CDCP1: variants seen among roughly 807,000 people sequenced by gnomAD.
CDCP1 encodes the protein CUB domain containing protein 1, also known as CUB domain-containing protein 1.
In CDCP1, 29 loss-of-function variants were observed where a neutral mutation model predicts 60.2. That is an observed-to-expected ratio of 0.48 (90% CI 0.36 to 0.66). The LOEUF (loss-of-function observed/expected upper bound fraction) is 0.66. Among genes scored for constraint, CDCP1 ranks in the 30% least tolerant of loss-of-function variants. The probability of loss-of-function intolerance (pLI) is 0.00; values close to 1 mark genes in which losing one functional copy is unlikely to be tolerated. For missense variants in CDCP1, 876 were observed against 1,074.3 expected, an observed-to-expected ratio of 0.82 and a Z score of 2.58; for synonymous variants, 387 against 431.1, an observed-to-expected ratio of 0.90 and a Z score of 1.27.
intron 4 of CDCP1, among the ~76,000 whole-genome samples, chr3:45,109,485 C>T (rs889607893): frequency 1.3e-5 from 2 of 152,160 alleles, no homozygotes; most frequent in African/African-American, 4.8e-5. Context: ...GCCCTCTGAA[C>T]AGCGTCCATC....
In CDCP1 at chr3:45,091,571, T is replaced by C; in HGVS notation, c.1628-33A>G. The C allele has an allele frequency of 6.4e-7, 1 of 1,557,484 alleles. No individual in the cohort carries two copies. The highest frequency in any genetic ancestry group is 8.7e-7 in the Non-Finnish European group (1 of 1,154,788). ...AAAGGGAGGGAGATCCAGACAGATGTTTCATTCAGTCAACATGGAGAGGAA... is the reference window on the plus strand; with the variant it reads ...AAAGGGAGGGAGATCCAGACAGATGCTTCATTCAGTCAACATGGAGAGGAA... On this transcript the variant is annotated intron_variant, in intron 6 of 8. Coordinates refer to ENST00000296129, the MANE Select transcript of CDCP1 (RefSeq NM_022842.5). This position sits in a 1 kb window ranked among gnomAD's most constrained non-coding sequence, Gnocchi z 4.8.
At chr3:45,138,873 AAAAG>A (rs1699236478) in intron 1 of CDCP1, among the ~76,000 whole-genome samples, 1 of 152,144 alleles carries the variant, frequency 6.6e-6, no homozygotes, top group African/African-American at 2.4e-5. Context: ...AAAGAAAAGA[AAAAG>A]AAAGACCGAA....
chr3:45,142,790 T>A (rs4683061), intron 1 of CDCP1, among the ~76,000 whole-genome samples: 30,676 of 151,610 alleles, frequency 0.2, 3,228 homozygotes, highest in Admixed American at 0.24. Flanking sequence ...ACCTCTCTAC[T>A]CTTCATCCCA....
chr3:45,143,514 AT>A (rs973312195), intron 1 of CDCP1, among the ~76,000 whole-genome samples: 5 of 152,246 alleles, frequency 3.3e-5, no homozygotes, highest in Admixed American at 2.0e-4. Context: ...GGATGATCCC[AT>A]TTTTGGTTTG....
chr3:45,142,200 TATC>T (rs1487358415), intron 1 of CDCP1, among the ~76,000 whole-genome samples: 2 of 152,210 alleles, frequency 1.3e-5, no homozygotes, highest in Admixed American at 1.3e-4. Context: ...TCAGTGGTCT[TATC>T]ATCTCCCACT....
intron 2 of CDCP1, among the ~76,000 whole-genome samples, chr3:45,115,753 G>C (rs949815827): frequency 2.0e-5 from 3 of 151,418 alleles, no homozygotes; most frequent in Non-Finnish European, 2.9e-5. Context: ...ATCCAGGCTA[G>C]AGTGCAATGG....
intron 1 of CDCP1, among the ~76,000 whole-genome samples, chr3:45,137,244 G>A (rs1699204481): frequency 6.6e-6 from 1 of 152,130 alleles, no homozygotes; most frequent in Non-Finnish European, 1.5e-5. Context: ...CATGCCATAT[G>A]TACTGTTCTG....
intron 1 of CDCP1, among the ~76,000 whole-genome samples, chr3:45,129,982 AAG>A (rs1307872720): frequency 1.3e-5 from 2 of 152,106 alleles, no homozygotes; most frequent in Admixed American, 6.5e-5. Context: ...AGAAAGGGGT[AAG>A]AGAGAAAATT....
rs566058429 is a variant in CDCP1 at position 45,110,410 on chromosome 3, G to A, written c.1024+63C>T. The A allele has an allele frequency of 7.0e-6, 11 of 1,576,044 alleles. No individual in the cohort carries two copies. In the Admixed American group the frequency reaches 1.9e-4, roughly 28 times the overall value. ...ACAGGAAGGGAGCCTCACCCAGGCAGACTACCCAGGAAACAACGAAGGTGC... is the reference window on the plus strand; with the variant it reads ...ACAGGAAGGGAGCCTCACCCAGGCAAACTACCCAGGAAACAACGAAGGTGC... On this transcript the variant is annotated intron_variant, in intron 4 of 8. Transcript: ENST00000296129.
At chr3:45,086,737 T>C (rs949402875) in intron 8 of CDCP1, among the ~76,000 whole-genome samples, 1 of 152,224 alleles carries the variant, frequency 6.6e-6, no homozygotes, top group Non-Finnish European at 1.5e-5. Context: ...ATAACACCAT[T>C]AGCATTTGGT....
chr3:45,142,763 C>T (rs914373314), intron 1 of CDCP1, among the ~76,000 whole-genome samples: 1 of 151,932 alleles, frequency 6.6e-6, no homozygotes, highest in Non-Finnish European at 1.5e-5. Context: ...CGGAAATACG[C>T]GTGCAAAGAC....
At chr3:45,103,382 C>T (rs1698514645) in intron 4 of CDCP1, among the ~76,000 whole-genome samples, 1 of 152,116 alleles carries the variant, frequency 6.6e-6, no homozygotes, top group Non-Finnish European at 1.5e-5. Flanking sequence ...TTATCCATTC[C>T]TCTGTTGGTG....
chr3:45,099,270 CT>C lies in CDCP1; in HGVS notation c.1025-3703del, dbSNP rs1698452230. ...TCCACCTTCACACTTAATTGTTTGGCTTGGTATAAAATTCTAGGTTGGAAAT... is the reference window on the plus strand; with the variant it reads ...TCCACCTTCACACTTAATTGTTTGGCTGGTATAAAATTCTAGGTTGGAAAT... On this transcript the variant is annotated intron_variant, in intron 4 of 8. Coordinates refer to ENST00000296129, the MANE Select transcript of CDCP1 (RefSeq NM_022842.5). Among the ~76,000 whole-genome samples the C allele has an allele frequency of 2.0e-5, 3 of 151,840 alleles. No homozygotes were observed. In the South Asian group the frequency reaches 6.2e-4, roughly 31 times the overall value.
chr3:45,108,950 TATA>T lies in CDCP1; in HGVS notation c.1024+1520_1024+1522del, dbSNP rs1279711789. On this transcript the variant is annotated intron_variant, in intron 4 of 8. Transcript: ENST00000296129. ...ATGCATGTATACATATATATATATATATATTTTTTTTTTTTTTGAGATGGAGTC... is the reference window on the plus strand; with the variant it reads ...ATGCATGTATACATATATATATATATTTTTTTTTTTTTTTGAGATGGAGTC... 9.3e-5 allele frequency among the ~76,000 whole-genome samples: 6 copies of T among 64,254 alleles called. 2 individuals carry two copies. The highest frequency in any genetic ancestry group is 2.7e-4 in the African/African-American group (5 of 18,510). The allele number at this position is 64,254 out of a possible 152,430, so 42.2% of individuals were successfully genotyped here.
intron 1 of CDCP1, among the ~76,000 whole-genome samples, chr3:45,132,273 A>T (rs1395393333): frequency 6.6e-6 from 1 of 152,012 alleles, no homozygotes; most frequent in African/African-American, 2.4e-5. Flanking sequence ...AAACGTTCTT[A>T]CTTGTCTGAA....
intron 2 of CDCP1, among the ~76,000 whole-genome samples, chr3:45,117,111 T>C (rs1698805533): frequency 6.6e-6 from 1 of 152,182 alleles, no homozygotes; most frequent in South Asian, 2.1e-4. Context: ...ATTTCTCCTT[T>C]TACTTTTGAA....
chr3:45,098,076 T>TA (rs1374833394), intron 4 of CDCP1, among the ~76,000 whole-genome samples: 1 of 152,018 alleles, frequency 6.6e-6, no homozygotes, highest in Non-Finnish European at 1.5e-5. Flanking sequence ...AGTCCCTGCT[T>TA]ACCTTTACCA....
At chr3:45,135,218 A>G (rs1018822125) in intron 1 of CDCP1, among the ~76,000 whole-genome samples, 1 of 152,150 alleles carries the variant, frequency 6.6e-6, no homozygotes, top group Admixed American at 6.5e-5. Context: ...CAGGGATATG[A>G]AAAACTAAGT....
intron 1 of CDCP1, chr3:45,139,445 C>T (rs1391643551): frequency 6.6e-6 from 1 of 152,254 alleles, no homozygotes; most frequent in Non-Finnish European, 1.5e-5. Flanking sequence ...GCTGGAAAGG[C>T]AACTCTGAGT....
Sources: gnomAD v4.1 joint callset for allele counts (sites outside exome capture counted in the v4.1 genomes callset) on GRCh38, gnomAD v4.1.1 for gene constraint, Gnocchi (gnomAD v3.1) non-coding constraint, MANE v1.5 for transcripts, NCBI Gene and HGNC (gene_info 2026-07-23, HGNC 2026-07-21) for gene names.